The following WDTC1 variants were observed in gnomAD, a reference collection of about 807,000 sequenced individuals.
The protein encoded by WDTC1 is WD and tetratricopeptide repeats 1, also known as WD and tetratricopeptide repeats protein 1.
A neutral mutation model predicts 76.0 loss-of-function variants in WDTC1; 12 were observed. The observed-to-expected ratio is 0.16, with a 90% CI of 0.10 to 0.26. WDTC1 has a LOEUF of 0.26. Among genes scored for constraint, WDTC1 ranks in the 10% least tolerant of loss-of-function variants. WDTC1 has a pLI of 1.00. For synonymous variants in WDTC1, 326 were observed against 350.8 expected (o/e 0.93, Z 0.79); for missense variants, 511 against 908.8 (o/e 0.56, Z 5.63).
In WDTC1 at chr1:27,272,259, T is replaced by A. The variant is rs556051422; in HGVS notation, c.132+9024T>A. Among the ~76,000 whole-genome samples the A allele has an allele frequency of 1.5e-3, 220 of 149,010 alleles. 1 individual carries two copies. The highest frequency in any genetic ancestry group is 2.3e-3 in the Non-Finnish European group (153 of 67,004). ...GAAACTCTGTCTTAAAAAAAAAAAA[T>A]TTTTTTTTTAAGTAGAGACAAGGTT... On this transcript the variant is annotated intron_variant, in intron 3 of 15. Coordinates refer to ENST00000319394, the MANE Select transcript of WDTC1 (RefSeq NM_001276252.2).
chr1:27,299,571 G>T (rs1257114890), intron 12 of WDTC1, among the ~76,000 whole-genome samples: 4 of 152,176 alleles, frequency 2.6e-5, no homozygotes, highest in African/African-American at 9.7e-5. Context: ...TGAAGAGCTT[G>T]TTTGCAGAAC....
chr1:27,251,357 A>G (rs772226258), intron 1 of WDTC1, among the ~76,000 whole-genome samples: 13 of 152,114 alleles, frequency 8.5e-5, no homozygotes, highest in Non-Finnish European at 1.6e-4. Context: ...GAGGTGTAAC[A>G]TCTGCATAGC....
chr1:27,264,002 TAA>T (rs545114279), intron 3 of WDTC1, among the ~76,000 whole-genome samples: 1 of 142,660 alleles, frequency 7.0e-6, no homozygotes, highest in Non-Finnish European at 1.5e-5. Context: ...AATAGGTGTT[TAA>T]AAAAAAAAAA....
chr1:27,263,420 AATT>A (rs1251581256), intron 3 of WDTC1, among the ~76,000 whole-genome samples, 185 bp downstream of exon 3: 1 of 152,026 alleles, frequency 6.6e-6, no homozygotes, highest in African/African-American at 2.4e-5. Context: ...GTCACATATA[AATT>A]ATTATTTTTT....
Position 27,289,318 on chromosome 1 carries a change from A to G in WDTC1, c.479+1457A>G, listed in dbSNP as rs373447879. Among the ~76,000 whole-genome samples the G allele has an allele frequency of 7.3e-4, 106 of 145,254 alleles. 3 individuals carry two copies. The East Asian group carries it at 0.017, about 23-fold the overall frequency. On this transcript the variant is annotated intron_variant, in intron 6 of 15. Transcript: ENST00000319394. ...TCAGTTCTCAGACGGGGTGGTTGCC[A>G]GGCAGAGGGTCTCCTCACTTCTCAG...
chr1:27,297,903 TTGAC>T (rs2013735045), intron 11 of WDTC1, 31 bp from the exon 12 acceptor site: 1 of 1,573,934 alleles, frequency 6.4e-7, no homozygotes, highest in Admixed American at 1.8e-5. Flanking sequence ...CTGACCTTCT[TTGAC>T]TGTTCTGACT....
In WDTC1 at chr1:27,261,045, T is replaced by G; in HGVS notation, c.-10T>G. 5 of 1,614,160 alleles carry G rather than the reference T, an allele frequency of 3.1e-6. No individual in the cohort carries two copies. Among genetic ancestry groups the G allele is most frequent in the Non-Finnish European group, 4.2e-6 (5 of 1,180,016 alleles). ...ATTATAGCTTCCTTCTGTTGAACCA[T>G]TAAGAAAAGATGGCGAAAGTCAACA... On this transcript the variant is annotated 5_prime_UTR_variant, in exon 2 of 16. Coordinates refer to ENST00000319394, the MANE Select transcript of WDTC1 (RefSeq NM_001276252.2).
At chr1:27,283,540 T>A in intron 5 of WDTC1, 91 bp downstream of exon 5, 2 of 1,127,718 alleles carry the variant, frequency 1.8e-6, no homozygotes, top group Non-Finnish European at 2.6e-6. Context: ...TATGTGTGTG[T>A]CCCATATACC....
chr1:27,235,033 G>T (rs1045374880), intron 1 of WDTC1, 82 bp downstream of exon 1: 74 of 360,046 alleles, frequency 2.1e-4, no homozygotes, highest in African/African-American at 1.5e-3. Flanking sequence ...CGGGCCGCCC[G>T]CTCTGGGCCG....
chr1:27,303,662 C>T lies in WDTC1; in HGVS notation c.1510C>T (p.Arg504Cys), dbSNP rs200956178. 44 of 1,610,616 alleles carry T rather than the reference C, an allele frequency of 2.7e-5. No homozygotes were observed. Among genetic ancestry groups the T allele is most frequent in the Non-Finnish European group, 3.3e-5 (39 of 1,178,770 alleles). ...GPGGGAPVRL[R>C]STSRKDSISE... ...TGGTGGCGGCGCCCCAGTCCGCCTCCGCAGCACGAGCCGCAAGGACTCCAT... is the reference window on the plus strand; with the variant it reads ...TGGTGGCGGCGCCCCAGTCCGCCTCTGCAGCACGAGCCGCAAGGACTCCAT... The change falls in exon 14 of 16, where the codon CGC (arginine) becomes TGC (cysteine). Residue 504 changes from arginine (R) to cysteine (C), a missense_variant. Physicochemically the swap from Arg to Cys is radical, Grantham distance 180. Coordinates refer to ENST00000319394, the MANE Select transcript of WDTC1 (RefSeq NM_001276252.2). The surrounding 1 kb of genome is among the most constrained non-coding windows in gnomAD (Gnocchi z 4.8).
chr1:27,269,989 C>T lies in WDTC1; in HGVS notation c.132+6754C>T, dbSNP rs372003865. Among the ~76,000 whole-genome samples the T allele has an allele frequency of 3.1e-4, 46 of 150,778 alleles. No homozygotes were observed. The South Asian group carries it at 8.2e-3, about 27-fold the overall frequency. On this transcript the variant is annotated intron_variant, in intron 3 of 15. Transcript: ENST00000319394. ...TCTTGCTCTGTCACCCAGGCTGGAGCGCAGTGATGCGATCATGGCTCACGA... is the reference window on the plus strand; with the variant it reads ...TCTTGCTCTGTCACCCAGGCTGGAGTGCAGTGATGCGATCATGGCTCACGA...
intron 3 of WDTC1, among the ~76,000 whole-genome samples, chr1:27,269,143 C>T (rs2012772840): frequency 3.8e-5 from 3 of 78,280 alleles, no homozygotes; most frequent in South Asian, 8.3e-4. Flanking sequence ...GCCTGGGTAA[C>T]ATAAGGAGGC....
intron 8 of WDTC1, 74 bp from the exon 9 acceptor site, chr1:27,294,440 T>C: frequency 7.4e-7 from 1 of 1,359,438 alleles, no homozygotes; most frequent in South Asian, 1.2e-5. Flanking sequence ...ATTTTTGATA[T>C]GACTGACTTC....
intron 3 of WDTC1, among the ~76,000 whole-genome samples, 192 bp downstream of exon 3, chr1:27,263,427 AT>A (rs2012550119): frequency 1.3e-5 from 2 of 151,910 alleles, no homozygotes; most frequent in African/African-American, 2.4e-5. Flanking sequence ...ATAAATTATT[AT>A]TTTTTTATTT....
In WDTC1 at chr1:27,298,044, G is replaced by T; in HGVS notation, c.1165G>T (p.Val389Leu). The change falls in exon 12 of 16, where the codon GTG (valine) becomes TTG (leucine). Residue 389 changes from valine (V) to leucine (L), a missense_variant. Val to Leu is a conservative substitution (Grantham distance 32). Transcript: ENST00000319394. Reference sequence around the variant, plus strand: ...AGCCATTCAGCTTTACAGCAAGGCTGTGCAGAGGGCCCCTCACAATGCCAT... The same window carrying T: ...AGCCATTCAGCTTTACAGCAAGGCTTTGCAGAGGGCCCCTCACAATGCCAT... ...TQAIQLYSKA[V>L]QRAPHNAMLY... The T allele has an allele frequency of 6.2e-7, 1 of 1,614,080 alleles. No individual in the cohort carries two copies. The highest frequency in any genetic ancestry group is 8.5e-7 in the Non-Finnish European group (1 of 1,179,942).
intron 3 of WDTC1, among the ~76,000 whole-genome samples, chr1:27,278,501 A>C (rs1023844430): frequency 2.9e-4 from 44 of 152,304 alleles, no homozygotes; most frequent in African/African-American, 1.1e-3. Context: ...AGTGAATAAG[A>C]CCAACACAAT....
rs536320920 is a variant in WDTC1, at chr1:27,282,415, G to A, written c.179+130G>A. On this transcript the variant is annotated intron_variant, in intron 4 of 15. Coordinates refer to ENST00000319394, the MANE Select transcript of WDTC1 (RefSeq NM_001276252.2). The stretch of plus-strand genomic sequence containing the variant: ...TGAAAAGAGACTGCTGCTGTCTGCC[G>A]TTCTTCAGCTTAGCCCATAATTTTC... The A allele has an allele frequency of 1.2e-5, 10 of 824,378 alleles. No homozygotes were observed. In the East Asian group the frequency reaches 1.4e-4, roughly 11 times the overall value. The allele number at this position is 824,378 out of a possible 1,614,324, so 51.1% of individuals were successfully genotyped here.
intron 9 of WDTC1, among the ~76,000 whole-genome samples, chr1:27,295,068 G>T (rs139936959): frequency 6.6e-6 from 1 of 152,164 alleles, no homozygotes; most frequent in Non-Finnish European, 1.5e-5. Context: ...GCCAGCTTTG[G>T]GAAGTGTTCT....
chr1:27,283,505 C>T (rs1397605957), intron 5 of WDTC1, 56 bp downstream of exon 5: 12 of 1,553,548 alleles, frequency 7.7e-6, no homozygotes, highest in Non-Finnish European at 1.1e-5. Context: ...ACAAGAGTGA[C>T]TGGGCTGTGG....
Sources: gnomAD v4.1 joint callset for allele counts (sites outside exome capture counted in the v4.1 genomes callset) on GRCh38, gnomAD v4.1.1 for gene constraint, Gnocchi (gnomAD v3.1) non-coding constraint, MANE v1.5 for transcripts, NCBI Gene and HGNC (gene_info 2026-07-23, HGNC 2026-07-21) for gene names.